Variants in COX20 observed in about 807,000 individuals in gnomAD.
COX20 encodes the protein cytochrome c oxidase assembly protein COX20, mitochondrial.
In COX20, 14 loss-of-function variants were observed where a neutral mutation model predicts 14.3. The ratio of observed to expected loss-of-function variants is 0.98; its 90% CI spans 0.65 to 1.53. The LOEUF (loss-of-function observed/expected upper bound fraction) is 1.53. Ranked by LOEUF, COX20 falls within the 40% of genes most tolerant of loss-of-function variation. The pLI is 0.00. For missense variants in COX20, 149 were observed against 142.1 expected (o/e 1.05, Z -0.25); for synonymous variants, 56 against 51.7 (o/e 1.08, Z -0.36).
At chr1:244,838,812 T>TG (rs1384194655) in intron 1 of COX20, among the ~76,000 whole-genome samples, 1 of 151,982 alleles carries the variant, frequency 6.6e-6, no homozygotes, top group Non-Finnish European at 1.5e-5. Flanking sequence ...TTTTTTGAGA[T>TG]GGAGTCTTCT....
Position 244,842,251 on chromosome 1 carries a change from G to A in COX20, c.214G>A (p.Gly72Arg). The change falls in exon 3 of 4, where the codon GGA (glycine) becomes AGA (arginine). Residue 72 changes from glycine to arginine, a missense_variant. Physicochemically the swap from Gly to Arg is moderately radical, Grantham distance 125 (BLOSUM62 -2). Coordinates refer to ENST00000411948, the MANE Select transcript of COX20 (RefSeq NM_198076.6). ...AGGAGGGTTTATCTTGGTGACTTTGGGATGCTGGTATGTTTGCTAAGTATT... is the reference window on the plus strand; with the variant it reads ...AGGAGGGTTTATCTTGGTGACTTTGAGATGCTGGTATGTTTGCTAAGTATT... ...GVGGFILVTL[G>R]CWFHCRYNYA... 1 of 1,602,450 alleles carries A rather than the reference G, an allele frequency of 6.2e-7. No homozygotes were observed. The highest frequency in any genetic ancestry group is 8.5e-7 in the Non-Finnish European group (1 of 1,169,784).
At chr1:244,837,460 G>A (rs1416295958) in intron 1 of COX20, among the ~76,000 whole-genome samples, 4 of 152,096 alleles carry the variant, frequency 2.6e-5, no homozygotes, top group Admixed American at 1.3e-4. Flanking sequence ...GTAAAAATGG[G>A]AGTTACCAAG....
chr1:244,835,645 C>A, upstream of COX20: 2 of 1,175,014 alleles, frequency 1.7e-6, no homozygotes, highest in South Asian at 3.9e-5. Context: ...CGGGGAGGGG[C>A]GCGGCCAGCC....
chr1:244,839,593 GC>G (rs1287278511), intron 1 of COX20, among the ~76,000 whole-genome samples: 2 of 152,112 alleles, frequency 1.3e-5, no homozygotes, highest in African/African-American at 4.8e-5. Context: ...AGGGAGTTAT[GC>G]CCGGGATCCT....
intron 1 of COX20, among the ~76,000 whole-genome samples, chr1:244,836,230 A>T (rs2102968575): frequency 6.6e-6 from 1 of 152,304 alleles, no homozygotes; most frequent in African/African-American, 2.4e-5. Flanking sequence ...CCCCATCACC[A>T]GTAGCCTCCC....
In COX20 at chr1:244,844,424, C is replaced by CT. The variant is rs1680343028; in HGVS notation, c.*1249dup. 6.6e-6 allele frequency: 1 copy of CT among 152,184 alleles called. No homozygotes were observed. Among genetic ancestry groups the CT allele is most frequent in the South Asian group, 2.1e-4 (1 of 4,834 alleles). 9.4% of individuals were successfully genotyped at this position (152,184 alleles called of 1,614,324 possible). Reference sequence around the variant, plus strand: ...CCACTCTTAGTGGCACAAATCAAAGCTGCATGCACTACATTATCCAAATTA... The same window carrying CT: ...CCACTCTTAGTGGCACAAATCAAAGCTTGCATGCACTACATTATCCAAATTA... On this transcript the variant is annotated 3_prime_UTR_variant, in exon 4 of 4. Transcript: ENST00000411948.
At chr1:244,839,128 C>T (rs11801533) in intron 1 of COX20, among the ~76,000 whole-genome samples, 8 of 151,340 alleles carry the variant, frequency 5.3e-5, no homozygotes, top group Non-Finnish European at 8.8e-5. Context: ...AAAAAACTAA[C>T]GATGCAAATG....
upstream of COX20, chr1:244,835,657 G>C: frequency 8.2e-7 from 1 of 1,219,492 alleles, no homozygotes; most frequent in Non-Finnish European, 1.0e-6. Flanking sequence ...CGGCCAGCCG[G>C]GCTTCTGCTT....
At position 244,844,654 on chromosome 1, in the gene COX20, A is replaced by G. The variant is rs1406449595; in HGVS notation, c.*1478A>G. 1 of 152,000 alleles carries G rather than the reference A, an allele frequency of 6.6e-6. No homozygotes were observed. The highest frequency in any genetic ancestry group is 1.5e-5 in the Non-Finnish European group (1 of 68,100). 9.4% of individuals were successfully genotyped at this position (152,000 alleles called of 1,614,324 possible). A position where few individuals can be genotyped will look rare whatever the true frequency, so the allele number is the denominator to read the frequency against. On this transcript the variant is annotated 3_prime_UTR_variant, in exon 4 of 4. Transcript: ENST00000411948. ...ATGCCTGTAGTCCCAGGTACTCAGG[A>G]GGCTGAGGCAGGAGAATCACTTGAA...
chr1:244,835,808 C>T (rs1450054843), intron 1 of COX20, 52 bp downstream of exon 1: 4 of 1,212,792 alleles, frequency 3.3e-6, no homozygotes, highest in South Asian at 7.2e-5. Flanking sequence ...TGGGTAAGGA[C>T]GTTCTCCGCG....
At chr1:244,835,408 C>A, upstream of COX20, 1 of 326,986 alleles carries the variant, frequency 3.1e-6, no homozygotes, top group Non-Finnish European at 5.5e-6. Flanking sequence ...TACGCCCCCA[C>A]CTCGCCAGGA....
intron 1 of COX20, among the ~76,000 whole-genome samples, chr1:244,837,272 AGTACCT>A (rs1406433989): frequency 6.6e-6 from 1 of 152,224 alleles, no homozygotes; most frequent in East Asian, 1.9e-4. Context: ...ATGAAACAGT[AGTACCT>A]ATCAGAGCCC....
chr1:244,845,062 T>TAC (rs1680376276), downstream of COX20: 1 of 165,940 alleles, frequency 6.0e-6, no homozygotes, highest in Non-Finnish European at 1.5e-5. Context: ...ATGTAATTAT[T>TAC]ATACTGTGTA....
upstream of COX20, chr1:244,835,502 G>T: frequency 5.1e-6 from 2 of 388,760 alleles, no homozygotes. Context: ...GGAAGAAAGT[G>T]TGACCCGTTC....
In COX20 at chr1:244,843,196, T is replaced by C. The variant is rs865889424; in HGVS notation, c.*20T>C. 7.4e-7 allele frequency: 1 copy of C among 1,346,462 alleles called. No individual in the cohort carries two copies. Among genetic ancestry groups the C allele is most frequent in the South Asian group, 1.4e-5 (1 of 73,920 alleles). 83.4% of individuals were successfully genotyped at this position (1,346,462 alleles called of 1,614,324 possible). A position where few individuals can be genotyped will look rare whatever the true frequency, so the allele number is the denominator to read the frequency against. On this transcript the variant is annotated 3_prime_UTR_variant, in exon 4 of 4. Transcript: ENST00000411948. ...AATTGAACAATCTTGAGCATAGAAG[T>C]CAATGTAAACGAAGTTAAGATCAAC...
chr1:244,841,846 C>G (rs774481121), intron 1 of COX20, 98 bp from the exon 2 acceptor site: 1 of 710,824 alleles, frequency 1.4e-6, no homozygotes, highest in African/African-American at 1.8e-5. Context: ...TTTAAACCCT[C>G]AACTACAAGA....
Position 244,843,191 on chromosome 1 carries a change from A to T in COX20, c.*15A>T, listed in dbSNP as rs766221684. On this transcript the variant is annotated 3_prime_UTR_variant, in exon 4 of 4. Coordinates refer to ENST00000411948, the MANE Select transcript of COX20 (RefSeq NM_198076.6). ...GCAGCAATTGAACAATCTTGAGCATAGAAGTCAATGTAAACGAAGTTAAGA... is the reference window on the plus strand; with the variant it reads ...GCAGCAATTGAACAATCTTGAGCATTGAAGTCAATGTAAACGAAGTTAAGA... The T allele has an allele frequency of 6.6e-7, 1 of 1,505,624 alleles. No individual in the cohort carries two copies. Among genetic ancestry groups the T allele is most frequent in the Non-Finnish European group, 8.8e-7 (1 of 1,139,372 alleles). The allele number at this position is 1,505,624 out of a possible 1,614,324, so 93.3% of individuals were successfully genotyped here.
intron 1 of COX20, among the ~76,000 whole-genome samples, chr1:244,839,311 G>T (rs111258113): frequency 2.0e-5 from 3 of 152,202 alleles, no homozygotes; most frequent in African/African-American, 7.2e-5. Context: ...TCTCTAATTT[G>T]ATCAGATCTA....
At chr1:244,842,849 TA>T in intron 3 of COX20, 191 bp from the exon 4 acceptor site, 2 of 427,422 alleles carry the variant, frequency 4.7e-6, no homozygotes, top group Non-Finnish European at 4.2e-6. Context: ...TTTTTCCTAA[TA>T]AAAAAAGAAT....
Sources: allele counts gnomAD v4.1 joint callset (sites outside exome capture counted in the v4.1 genomes callset), GRCh38; gene constraint gnomAD v4.1.1; transcripts MANE v1.5; gene names NCBI Gene and HGNC (gene_info 2026-07-23, HGNC 2026-07-21).